The following BCAT1 variants were observed in gnomAD, a reference collection of about 807,000 sequenced individuals.
BCAT1 encodes branched chain amino acid transaminase 1.
Under a neutral mutation model 52.4 loss-of-function variants are expected in BCAT1, and 48 were observed. The observed-to-expected ratio is 0.92, with a 90% CI of 0.73 to 1.16. The LOEUF (loss-of-function observed/expected upper bound fraction) is 1.16. BCAT1 is among the 50% of genes most tolerant of loss of function. The pLI, the probability that BCAT1 is intolerant of heterozygous loss-of-function variation, is 0.00. For synonymous variants in BCAT1, 167 were observed against 161.3 expected (o/e 1.04, Z -0.27); for missense variants, 451 against 457.1 (o/e 0.99, Z 0.12).
chr12:24,846,811 A>G (rs1941357798), intron 6 of BCAT1, among the ~76,000 whole-genome samples: 1 of 152,234 alleles, frequency 6.6e-6, no homozygotes, highest in African/African-American at 2.4e-5. Flanking sequence ...TCTGGTCCCA[A>G]GCATTTCAGA....
rs185686698 is a variant in BCAT1 at position 24,901,835 on chromosome 12, T to G, written c.57A>C (p.Lys19Asn). Residue 19 changes from lysine (K) to asparagine (N), a missense_variant, in exon 2 of 11, where the codon AAA becomes AAC. By Grantham distance (94) the Lys-to-Asn change is moderately conservative (BLOSUM62 0). Coordinates refer to ENST00000261192, the MANE Select transcript of BCAT1 (RefSeq NM_005504.7). ...SAECTGEGGS[K>N]EVVGTFKAKD... ...TTACCTTAAAAGTCCCCACCACCTC[T>G]TTTGATCCTCCTTCTCCGGTACACT... is the stretch of plus-strand genomic sequence containing the variant. The G allele has an allele frequency of 2.5e-6, 4 of 1,613,878 alleles. No homozygotes were observed. The highest frequency in any genetic ancestry group is 3.4e-6 in the Non-Finnish European group (4 of 1,179,888).
Position 24,848,075 on chromosome 12 carries a change from C to T in BCAT1, c.674+1711G>A, listed in dbSNP as rs116152579. On this transcript the variant is annotated intron_variant, in intron 6 of 10. Transcript: ENST00000261192. ...TAAATGCCCATCCTTTTGGTTACCACCTTCCCTCTTGCCATTTTTAATTTA... is the reference window on the plus strand; with the variant it reads ...TAAATGCCCATCCTTTTGGTTACCATCTTCCCTCTTGCCATTTTTAATTTA... 6.0e-3 allele frequency among the ~76,000 whole-genome samples: 906 copies of T among 152,210 alleles called. 7 individuals are homozygous for T. Among genetic ancestry groups the T allele is most frequent in the African/African-American group, 0.021 (856 of 41,520 alleles).
In BCAT1 at chr12:24,816,249, T is replaced by A; in HGVS notation, c.*1759A>T. The A allele has an allele frequency of 2.8e-6, 1 of 351,558 alleles. No homozygotes were observed. The highest frequency in any genetic ancestry group is 5.1e-6 in the Non-Finnish European group (1 of 197,476). The allele number at this position is 351,558 out of a possible 1,614,324, so 21.8% of individuals were successfully genotyped here. The stretch of plus-strand genomic sequence containing the variant: ...TGTGTTGCTAAATGCCTCAAGGAAA[T>A]TTTTCCAATGCATCAAACTTTTAGA... On this transcript the variant is annotated 3_prime_UTR_variant, in exon 11 of 11. Coordinates refer to ENST00000261192, the MANE Select transcript of BCAT1 (RefSeq NM_005504.7).
In BCAT1 at chr12:24,855,011, A is replaced by G. The variant is rs1941630722; in HGVS notation, c.511-5062T>C. ...CGCCCCTGAGCATAAAAATAAAGGA[A>G]CAGCTTGAGTTCCTTCAAGAGAAAG... is the stretch of plus-strand genomic sequence containing the variant. On this transcript the variant is annotated intron_variant, in intron 5 of 10. Coordinates refer to ENST00000261192, the MANE Select transcript of BCAT1 (RefSeq NM_005504.7). Among the ~76,000 whole-genome samples, 4 of 152,188 alleles carry G rather than the reference A, an allele frequency of 2.6e-5. No individual in the cohort carries two copies. In the South Asian group the frequency reaches 8.3e-4, roughly 32 times the overall value.
intron 1 of BCAT1, among the ~76,000 whole-genome samples, chr12:24,910,805 A>G (rs1386136399): frequency 6.6e-6 from 1 of 152,196 alleles, no homozygotes; most frequent in Non-Finnish European, 1.5e-5. Context: ...TTAATGGAGA[A>G]CTTATAATAA....
At chr12:24,942,279 G>A (rs765169319) in intron 1 of BCAT1, among the ~76,000 whole-genome samples, 16 of 152,180 alleles carry the variant, frequency 1.1e-4, no homozygotes, top group Non-Finnish European at 2.2e-4. Flanking sequence ...GGCTGGCTGG[G>A]CATGTAATCC....
At chr12:24,920,555 C>G (rs913962808) in intron 1 of BCAT1, among the ~76,000 whole-genome samples, 2 of 152,146 alleles carry the variant, frequency 1.3e-5, no homozygotes, top group Non-Finnish European at 2.9e-5. Context: ...TTCCTCTGCT[C>G]TCACACAAAA....
At chr12:24,878,490 T>C (rs1942406401) in intron 5 of BCAT1, 40 bp downstream of exon 5, 1 of 1,572,438 alleles carries the variant, frequency 6.4e-7, no homozygotes, top group African/African-American at 1.4e-5. Context: ...AATAATAACT[T>C]GCCCAGCAAA....
chr12:24,824,158 C>A (rs1940273721), intron 10 of BCAT1, among the ~76,000 whole-genome samples: 1 of 152,144 alleles, frequency 6.6e-6, no homozygotes, highest in African/African-American at 2.4e-5. Context: ...CAATAGAGTT[C>A]AATTTTTCTC....
At chr12:24,853,565 C>T (rs562750062) in intron 5 of BCAT1, among the ~76,000 whole-genome samples, 1 of 152,106 alleles carries the variant, frequency 6.6e-6, no homozygotes, top group Non-Finnish European at 1.5e-5. Flanking sequence ...ACCCATGTAA[C>T]AAACTTGCAC....
intron 5 of BCAT1, among the ~76,000 whole-genome samples, chr12:24,866,097 C>T (rs948440525): frequency 6.6e-5 from 10 of 152,196 alleles, no homozygotes; most frequent in African/African-American, 1.4e-4. Flanking sequence ...GGCGGGAACC[C>T]GGGCTGCGCA....
At chr12:24,886,987 C>T (rs904788423) in intron 3 of BCAT1, among the ~76,000 whole-genome samples, 10 of 140,614 alleles carry the variant, frequency 7.1e-5, no homozygotes, top group Admixed American at 2.3e-4. Context: ...CGCTTGAACC[C>T]AGGAGGTGGA....
At chr12:24,943,251 T>C (rs1943874164) in intron 1 of BCAT1, among the ~76,000 whole-genome samples, 1 of 152,116 alleles carries the variant, frequency 6.6e-6, no homozygotes, top group African/African-American at 2.4e-5. Context: ...CCCAGCACTT[T>C]GGAGGCCAAG....
intron 10 of BCAT1, among the ~76,000 whole-genome samples, chr12:24,822,166 C>T: frequency 6.6e-6 from 1 of 151,852 alleles, no homozygotes; most frequent in Non-Finnish European, 1.5e-5. Flanking sequence ...TTCTTTGTTG[C>T]TTTAAAAGAA....
At chr12:24,935,052 C>CT (rs1943733024) in intron 1 of BCAT1, among the ~76,000 whole-genome samples, 1 of 152,192 alleles carries the variant, frequency 6.6e-6, no homozygotes, top group African/African-American at 2.4e-5. Flanking sequence ...TACCCAGTGA[C>CT]TGCAGGACAT....
chr12:24,856,748 A>C (rs1941696844), intron 5 of BCAT1, among the ~76,000 whole-genome samples: 1 of 152,202 alleles, frequency 6.6e-6, no homozygotes, highest in African/African-American at 2.4e-5. Flanking sequence ...TGGCAGCCCT[A>C]GCTAGCCACA....
At chr12:24,879,413 T>C (rs1398846370) in intron 4 of BCAT1, among the ~76,000 whole-genome samples, 2 of 152,186 alleles carry the variant, frequency 1.3e-5, no homozygotes, top group Non-Finnish European at 2.9e-5. Context: ...TGGGTGATAC[T>C]TCATAAAATA....
chr12:24,859,576 G>A lies in BCAT1; in HGVS notation c.511-9627C>T, dbSNP rs1376671433. On this transcript the variant is annotated intron_variant, in intron 5 of 10. Transcript: ENST00000261192. ...ACGGAGCTTGCAGTGAGCCGAGATG[G>A]CGCCACTGAACTCCAGCTGGGCGAC... Among the ~76,000 whole-genome samples, 4 of 144,458 alleles carry A rather than the reference G, an allele frequency of 2.8e-5. No individual in the cohort carries two copies. In the East Asian group the frequency reaches 8.1e-4, roughly 29 times the overall value. The allele number at this position is 144,458 out of a possible 152,430, so 94.8% of individuals were successfully genotyped here.
At position 24,888,714 on chromosome 12, in the gene BCAT1, T is replaced by A. The variant is rs80337726; in HGVS notation, c.279+5561A>T. 7.5e-3 allele frequency among the ~76,000 whole-genome samples: 1,143 copies of A among 152,296 alleles called. 9 individuals are homozygous for A. Among genetic ancestry groups the A allele is most frequent in the African/African-American group, 0.027 (1,105 of 41,552 alleles). On this transcript the variant is annotated intron_variant, in intron 3 of 10. Coordinates refer to ENST00000261192, the MANE Select transcript of BCAT1 (RefSeq NM_005504.7). ...AAGGCAATCACACTTCCTAGATTCC[T>A]ATGACACTATAATAATGATACAGGA...
Sources: gnomAD v4.1 joint callset for allele counts (sites outside exome capture counted in the v4.1 genomes callset) on GRCh38, gnomAD v4.1.1 for gene constraint, MANE v1.5 for transcripts, NCBI Gene and HGNC (gene_info 2026-07-23, HGNC 2026-07-21) for gene names.